Variants in COX17 observed in about 807,000 individuals in gnomAD.
COX17 encodes cytochrome c oxidase copper chaperone COX17.
A neutral mutation model predicts 6.3 loss-of-function variants in COX17; 1 was observed. The observed-to-expected ratio is 0.16, with a 90% CI of 0.06 to 0.75. The LOEUF (loss-of-function observed/expected upper bound fraction) is 0.75, where lower values mean the gene tolerates loss of function less well. COX17 is among the 30% of genes least tolerant of loss of function. The pLI is 0.77. For missense variants in COX17, 73 were observed against 81.2 expected, an observed-to-expected ratio of 0.90 and a Z score of 0.39; for synonymous variants, 26 against 30.5, an observed-to-expected ratio of 0.85 and a Z score of 0.49.
At chr3:119,676,066 C>T (rs1354020974) in intron 1 of COX17, among the ~76,000 whole-genome samples, 1 of 152,218 alleles carries the variant, frequency 6.6e-6, no homozygotes, top group Non-Finnish European at 1.5e-5. Context: ...GTGTTAGCCA[C>T]TTGACATGGC....
intron 1 of COX17, 143 bp downstream of exon 1, chr3:119,677,053 TGGGGGAAG>T: frequency 3.0e-6 from 1 of 338,266 alleles, no homozygotes; most frequent in Non-Finnish European, 5.1e-6. Flanking sequence ...GGAGGAGGAG[TGGGGGAAG>T]GGGGGAAGGA....
At chr3:119,673,875 G>A (rs76929922) in intron 2 of COX17, among the ~76,000 whole-genome samples, 1,934 of 152,206 alleles carry the variant, frequency 0.013, 23 homozygotes, top group Middle Eastern at 0.037. Flanking sequence ...CCCTGTCTGG[G>A]ATGTCAGGAG....
downstream of COX17, among the ~76,000 whole-genome samples, chr3:119,667,688 TACACACACACAC>T (rs58875404): frequency 8.8e-4 from 120 of 136,868 alleles, no homozygotes; most frequent in East Asian, 0.013. Context: ...GTAAAAGGTG[TACACACACACAC>T]ACACACACAC....
In COX17 at chr3:119,675,184, T is replaced by G; in HGVS notation, c.157A>C (p.Lys53Gln). The change falls in exon 2 of 3, where the codon AAG (lysine) becomes CAG (glutamine). Residue 53 changes from lysine to glutamine, a missense_variant. Coordinates refer to ENST00000261070, the MANE Select transcript of COX17 (RefSeq NM_005694.2). ...EHCGHLIEAH[K>Q]ECMRALGFKI ...AATCCTAGGGCTCTCATGCATTCCT[T>G]GTGGGCCTCAATTAGATGTCCACAG... 2 of 1,613,634 alleles carry G rather than the reference T, an allele frequency of 1.2e-6. No individual in the cohort carries two copies. Among genetic ancestry groups the G allele is most frequent in the Non-Finnish European group, 1.7e-6 (2 of 1,179,612 alleles).
downstream of COX17, among the ~76,000 whole-genome samples, chr3:119,665,026 T>G (rs1369636264): frequency 1.3e-5 from 2 of 152,202 alleles, no homozygotes; most frequent in Non-Finnish European, 2.9e-5. Flanking sequence ...CCCTTTTTCT[T>G]CAGTTTATGC....
intron 2 of COX17, among the ~76,000 whole-genome samples, chr3:119,670,544 A>G (rs1303465534): frequency 6.6e-6 from 1 of 152,198 alleles, no homozygotes; most frequent in Non-Finnish European, 1.5e-5. Context: ...GACTGACTAC[A>G]TAACAAAAGG....
intron 2 of COX17, chr3:119,674,729 G>A (rs530356346): frequency 6.3e-6 from 1 of 158,170 alleles, no homozygotes; most frequent in African/African-American, 2.4e-5. Context: ...CTCCCAGGTT[G>A]AGGCTGCAAT....
At position 119,669,592 on chromosome 3, in the gene COX17, C is replaced by CAA. The variant is rs1343590741; in HGVS notation, c.*76_*77dup. Reference sequence around the variant, plus strand: ...AATTATAAATACTTTTTCCACATATCAAAGTTCGTCAAAGAACTCCCAAAA... The same window carrying CAA: ...AATTATAAATACTTTTTCCACATATCAAAAAGTTCGTCAAAGAACTCCCAAAA... On this transcript the variant is annotated 3_prime_UTR_variant, in exon 3 of 3. Coordinates refer to ENST00000261070, the MANE Select transcript of COX17 (RefSeq NM_005694.2). 1 of 152,158 alleles carries CAA rather than the reference C, an allele frequency of 6.6e-6. No homozygotes were observed. Among genetic ancestry groups the CAA allele is most frequent in the Non-Finnish European group, 1.5e-5 (1 of 68,002 alleles). The allele number at this position is 152,158 out of a possible 1,614,324, so 9.4% of individuals were successfully genotyped here.
chr3:119,677,103 GGGCAGAA>G, intron 1 of COX17, 94 bp downstream of exon 1: 2 of 869,900 alleles, frequency 2.3e-6, no homozygotes, highest in South Asian at 1.4e-5. Context: ...AGAGGGCAGA[GGGCAGAA>G]GGCAGAGGGC....
intron 1 of COX17, 96 bp downstream of exon 1, chr3:119,677,108 G>T: frequency 3.5e-6 from 3 of 853,010 alleles, no homozygotes; most frequent in Non-Finnish European, 5.7e-6. Context: ...GCAGAGGGCA[G>T]AAGGCAGAGG....
rs1386870532 is a variant in COX17 at position 119,674,025 on chromosome 3, G to A, written c.*4+1120C>T. ...TGCCCCTCTGCCCGGCTGCTGCCCC[G>A]TCTGGGAAGTGAGGAGCGCCTCTGC... On this transcript the variant is annotated intron_variant, in intron 2 of 2. Coordinates refer to ENST00000261070, the MANE Select transcript of COX17 (RefSeq NM_005694.2). Among the ~76,000 whole-genome samples, 15 of 151,242 alleles carry A rather than the reference G, an allele frequency of 9.9e-5. No homozygotes were observed. The East Asian group carries it at 1.6e-3, about 16-fold the overall frequency.
At chr3:119,667,043 A>T (rs960500218), downstream of COX17, 3 of 152,220 alleles carry the variant, frequency 2.0e-5, no homozygotes, top group African/African-American at 7.2e-5. Flanking sequence ...CCTATGAAAG[A>T]CATAGTATTC....
intron 2 of COX17, among the ~76,000 whole-genome samples, chr3:119,673,105 T>A (rs2053061488): frequency 6.6e-6 from 1 of 152,068 alleles, no homozygotes; most frequent in Admixed American, 6.6e-5. Context: ...AAGTTAAAAG[T>A]GGTAGTGTGG....
Position 119,677,378 on chromosome 3 carries a change from C to A in COX17, c.-68G>T, listed in dbSNP as rs760634772. The A allele has an allele frequency of 3.3e-4, 409 of 1,239,770 alleles. 1 individual carries two copies. Among genetic ancestry groups the A allele is most frequent in the Non-Finnish European group, 4.4e-4 (378 of 857,160 alleles). 76.8% of individuals were successfully genotyped at this position (1,239,770 alleles called of 1,614,324 possible). ...ATGCCAGCCTCGGCAAACGCCGATT[C>A]GTCCGCAGTCACTTCCGGCAGTCGC... On this transcript the variant is annotated 5_prime_UTR_variant, in exon 1 of 3. Transcript: ENST00000261070.
intron 1 of COX17, 181 bp downstream of exon 1, chr3:119,677,023 C>CGGGGCG (rs2053108539): frequency 3.0e-6 from 1 of 335,750 alleles, no homozygotes; most frequent in Admixed American, 6.2e-5. Context: ...CGGGGCGGGG[C>CGGGGCG]GGGGGGGGGG....
downstream of COX17, among the ~76,000 whole-genome samples, chr3:119,668,857 C>T (rs534483457): frequency 4.1e-4 from 63 of 152,092 alleles, no homozygotes; most frequent in Non-Finnish European, 8.1e-4. Flanking sequence ...TCAGCAGCTA[C>T]GAGGATGACA....
downstream of COX17, among the ~76,000 whole-genome samples, chr3:119,668,545 C>CTTTTTT (rs35724558): frequency 1.1e-3 from 150 of 142,208 alleles, no homozygotes; most frequent in African/African-American, 3.7e-3. Context: ...ACTTCTATAC[C>CTTTTTT]TTTTTTTTTT....
chr3:119,665,938 T>C (rs2052988752), downstream of COX17, among the ~76,000 whole-genome samples: 1 of 152,256 alleles, frequency 6.6e-6, no homozygotes, highest in African/African-American at 2.4e-5. Context: ...AATAATTTTC[T>C]TTCTAAAGTT....
chr3:119,676,846 C>T, intron 1 of COX17: 1 of 702,880 alleles, frequency 1.4e-6, no homozygotes, highest in Non-Finnish European at 2.6e-6. Flanking sequence ...TAACCCATAA[C>T]AGATACTCAA....
Sources: allele counts gnomAD v4.1 joint callset (sites outside exome capture counted in the v4.1 genomes callset), GRCh38; gene constraint gnomAD v4.1.1; transcripts MANE v1.5; gene names NCBI Gene and HGNC (gene_info 2026-07-23, HGNC 2026-07-21).